CPNE8: variants seen among roughly 807,000 people sequenced by gnomAD.
CPNE8 encodes the protein copine 8, also known as copine-8.
CPNE8 carries 45 observed loss-of-function variants against 81.5 expected under a neutral mutation model. The observed-to-expected ratio is 0.55, with a 90% CI of 0.44 to 0.71. The LOEUF (loss-of-function observed/expected upper bound fraction) is 0.71. Among genes scored for constraint, CPNE8 ranks in the 30% least tolerant of loss-of-function variants. The pLI is 0.00. For synonymous variants in CPNE8, 252 were observed against 226.3 expected, an observed-to-expected ratio of 1.11 and a Z score of -1.02; for missense variants, 594 against 672.1, an observed-to-expected ratio of 0.88 and a Z score of 1.28.
At chr12:38,711,290 G>A (rs968100564) in intron 13 of CPNE8, among the ~76,000 whole-genome samples, 3 of 152,138 alleles carry the variant, frequency 2.0e-5, no homozygotes, top group African/African-American at 7.2e-5. Context: ...AATACCAATA[G>A]AGTGTCAATA....
chr12:38,653,809 T>C lies in CPNE8; in HGVS notation c.*73A>G. On this transcript the variant is annotated 3_prime_UTR_variant, in exon 20 of 20. Coordinates refer to ENST00000331366, the MANE Select transcript of CPNE8 (RefSeq NM_153634.3). ...AAAACTATCTCATTGCCTGGTTCAT[T>C]ACAGAGCACCAGGCACAAAGCATTA... The C allele has an allele frequency of 6.5e-7, 1 of 1,537,618 alleles. No individual in the cohort carries two copies. Among genetic ancestry groups the C allele is most frequent in the Non-Finnish European group, 8.7e-7 (1 of 1,150,104 alleles).
intron 6 of CPNE8, among the ~76,000 whole-genome samples, chr12:38,787,498 AAAG>A (rs1374205052): frequency 3.0e-4 from 45 of 151,562 alleles, no homozygotes; most frequent in African/African-American, 1.1e-3. Context: ...AAAAAAAAAA[AAAG>A]AAAAACTTCA....
At chr12:38,741,802 C>T (rs1180396839) in intron 10 of CPNE8, among the ~76,000 whole-genome samples, 3 of 139,370 alleles carry the variant, frequency 2.2e-5, no homozygotes, top group South Asian at 5.1e-4. Context: ...CCAGAATCTA[C>T]AAAGAACTCA....
At chr12:38,874,911 G>C (rs967883671) in intron 1 of CPNE8, among the ~76,000 whole-genome samples, 4 of 152,114 alleles carry the variant, frequency 2.6e-5, no homozygotes, top group African/African-American at 9.7e-5. Context: ...AAAATTGTTT[G>C]CAGTTCAGAG....
At chr12:38,901,894 G>A (rs930443614) in intron 1 of CPNE8, among the ~76,000 whole-genome samples, 2 of 151,922 alleles carry the variant, frequency 1.3e-5, no homozygotes, top group Non-Finnish European at 2.9e-5. Flanking sequence ...CCCCGTTACC[G>A]TGTCTTATGT....
chr12:38,808,278 A>C lies in CPNE8; in HGVS notation c.407+21101T>G, dbSNP rs569613156. Among the ~76,000 whole-genome samples, 42 of 152,272 alleles carry C rather than the reference A, an allele frequency of 2.8e-4. 1 individual carries two copies. The highest frequency in any genetic ancestry group is 3.4e-3 in the Middle Eastern group (1 of 294). ...TTATATACCCAAACGAGTATAAATC[A>C]TGCTGCTATAAAGACACATGCACAC... On this transcript the variant is annotated intron_variant, in intron 6 of 19. Transcript: ENST00000331366.
At chr12:38,797,047 C>T (rs1942499037) in intron 6 of CPNE8, among the ~76,000 whole-genome samples, 1 of 152,184 alleles carries the variant, frequency 6.6e-6, no homozygotes, top group African/African-American at 2.4e-5. Context: ...AGCCGGGAAG[C>T]TCGAACTGGG....
intron 13 of CPNE8, among the ~76,000 whole-genome samples, chr12:38,717,460 C>CATATATATATATATATAT (rs1171428127): frequency 2.3e-5 from 1 of 43,160 alleles, no homozygotes; most frequent in Non-Finnish European, 5.5e-5. Flanking sequence ...TATATATATA[C>CATATATATATATATATAT]ACCATGGAAT....
chr12:38,766,408 A>G (rs1462088070), intron 8 of CPNE8, among the ~76,000 whole-genome samples: 1 of 152,188 alleles, frequency 6.6e-6, no homozygotes, highest in Non-Finnish European at 1.5e-5. Context: ...TCACTCTGCA[A>G]CATTTTTCTT....
intron 5 of CPNE8, among the ~76,000 whole-genome samples, chr12:38,835,494 T>C (rs1943364707): frequency 6.6e-6 from 1 of 152,204 alleles, no homozygotes; most frequent in East Asian, 1.9e-4. Flanking sequence ...AATTCCAAAA[T>C]GTAAGCTGCT....
chr12:38,700,239 CTT>C (rs34234420), intron 14 of CPNE8, among the ~76,000 whole-genome samples: 12 of 131,164 alleles, frequency 9.1e-5, no homozygotes, highest in African/African-American at 8.4e-5. Flanking sequence ...AAGTCCCCTT[CTT>C]TTTTTTTTTT....
intron 10 of CPNE8, among the ~76,000 whole-genome samples, chr12:38,739,787 C>A (rs1304254179): frequency 6.6e-6 from 1 of 152,066 alleles, no homozygotes; most frequent in Non-Finnish European, 1.5e-5. Flanking sequence ...TCAATATATA[C>A]TGAAATTAAT....
intron 10 of CPNE8, among the ~76,000 whole-genome samples, chr12:38,735,979 G>A (rs147276400): frequency 6.6e-6 from 1 of 151,666 alleles, no homozygotes; most frequent in African/African-American, 2.4e-5. Flanking sequence ...ATTTCAAAAG[G>A]GTTAAATTTC....
intron 3 of CPNE8, among the ~76,000 whole-genome samples, chr12:38,862,212 A>T (rs1943846671): frequency 6.6e-6 from 1 of 151,948 alleles, no homozygotes; most frequent in Admixed American, 6.6e-5. Flanking sequence ...CAAGATCCTG[A>T]CTGTGTAACT....
intron 8 of CPNE8, among the ~76,000 whole-genome samples, chr12:38,764,185 G>GGCAT (rs1189384217): frequency 3.3e-5 from 5 of 152,064 alleles, no homozygotes; most frequent in Non-Finnish European, 7.4e-5. Context: ...AAGACAGAGG[G>GGCAT]GCAGACAGAG....
intron 6 of CPNE8, among the ~76,000 whole-genome samples, chr12:38,786,540 T>C (rs1942191375): frequency 1.3e-5 from 2 of 152,168 alleles, no homozygotes; most frequent in South Asian, 4.1e-4. Context: ...TGGCTCTCCT[T>C]GATCCTCAGC....
chr12:38,793,469 C>T, intron 6 of CPNE8, among the ~76,000 whole-genome samples: 1 of 151,756 alleles, frequency 6.6e-6, no homozygotes, highest in Non-Finnish European at 1.5e-5. Flanking sequence ...ATTTCATTTA[C>T]AATAGCATTA....
chr12:38,661,518 G>C (rs944927116), intron 19 of CPNE8, among the ~76,000 whole-genome samples: 1 of 151,984 alleles, frequency 6.6e-6, no homozygotes, highest in Non-Finnish European at 1.5e-5. Context: ...ATGATGAGTT[G>C]ATGGGTGCAG....
chr12:38,814,151 T>A (rs1034487059), intron 6 of CPNE8, among the ~76,000 whole-genome samples: 3 of 151,796 alleles, frequency 2.0e-5, no homozygotes, highest in African/African-American at 7.3e-5. Flanking sequence ...GCAGGCAAGG[T>A]CTCTAGAGAA....
Sources: gnomAD v4.1 joint callset for allele counts (sites outside exome capture counted in the v4.1 genomes callset) on GRCh38, gnomAD v4.1.1 for gene constraint, MANE v1.5 for transcripts, NCBI Gene and HGNC (gene_info 2026-07-23, HGNC 2026-07-21) for gene names.